Variants in PCNX4 observed in about 807,000 individuals in gnomAD.
The protein encoded by PCNX4 is pecanex 4.
In PCNX4, 103 loss-of-function variants were observed where a neutral mutation model predicts 107.2. That is an observed-to-expected ratio of 0.96 (90% CI 0.82 to 1.13). The LOEUF (loss-of-function observed/expected upper bound fraction) is 1.13, where lower values mean the gene tolerates loss of function less well. Among genes scored for constraint, PCNX4 ranks in the 50% most tolerant of loss-of-function variants. The probability of loss-of-function intolerance (pLI) is 0.00; values close to 1 mark genes in which losing one functional copy is unlikely to be tolerated. For synonymous variants in PCNX4, 541 were observed against 481.7 expected (o/e 1.12, Z -1.61); for missense variants, 1,528 against 1,379.4 (o/e 1.11, Z -1.71).
Position 60,106,941 on chromosome 14 carries a change from G to C in PCNX4, c.-53-645G>C, listed in dbSNP as rs183637920. ...TATTATTTTATACTTAGATTTATAT[G>C]GCTATTGAATAAAAGTAGCCTAAAT... On this transcript the variant is annotated intron_variant, in intron 1 of 10. Coordinates refer to ENST00000406854, the MANE Select transcript of PCNX4 (RefSeq NM_001330177.2). Among the ~76,000 whole-genome samples the C allele has an allele frequency of 8.5e-5, 13 of 152,228 alleles. No homozygotes were observed. In the South Asian group the frequency reaches 1.7e-3, roughly 19 times the overall value.
rs924162880 is a variant in PCNX4, at chr14:60,141,887, C to T, written c.*7666C>T. 6.6e-6 allele frequency: 1 copy of T among 152,112 alleles called. No individual in the cohort carries two copies. Among genetic ancestry groups the T allele is most frequent in the Non-Finnish European group, 1.5e-5 (1 of 68,024 alleles). 9.4% of individuals were successfully genotyped at this position (152,112 alleles called of 1,614,324 possible). ...GCTTTCATTTCTCTTGGGCAAATACCTAGGACTGGGATGGCTAAATCATAT... is the reference window on the plus strand; with the variant it reads ...GCTTTCATTTCTCTTGGGCAAATACTTAGGACTGGGATGGCTAAATCATAT... On this transcript the variant is annotated 3_prime_UTR_variant, in exon 11 of 11. Coordinates refer to ENST00000406854, the MANE Select transcript of PCNX4 (RefSeq NM_001330177.2).
chr14:60,129,032 G>GT (rs1033057874), intron 10 of PCNX4, among the ~76,000 whole-genome samples: 4 of 151,732 alleles, frequency 2.6e-5, no homozygotes, highest in Admixed American at 1.3e-4. Flanking sequence ...GGCCAACATG[G>GT]TGAAACCTTG....
At chr14:60,132,221 C>T (rs570692235) in intron 10 of PCNX4, among the ~76,000 whole-genome samples, 27 of 152,246 alleles carry the variant, frequency 1.8e-4, no homozygotes, top group African/African-American at 5.5e-4. Flanking sequence ...TCTCTGTCTC[C>T]GTATTTACAT....
chr14:60,123,453 G>A (rs1260075594), intron 8 of PCNX4, among the ~76,000 whole-genome samples: 5 of 152,028 alleles, frequency 3.3e-5, no homozygotes, highest in Non-Finnish European at 7.4e-5. Flanking sequence ...AGCTGTGACT[G>A]AAAAACAAGT....
intron 1 of PCNX4, among the ~76,000 whole-genome samples, chr14:60,106,509 G>T (rs1895631864): frequency 6.6e-6 from 1 of 152,202 alleles, no homozygotes; most frequent in Non-Finnish European, 1.5e-5. Flanking sequence ...AGCTGTACTT[G>T]CAGGGCTGTC....
intron 10 of PCNX4, chr14:60,133,698 C>A (rs754364161): frequency 3.4e-6 from 2 of 588,666 alleles, no homozygotes; most frequent in East Asian, 3.8e-5. Context: ...TCAGAAAAGG[C>A]AGACAAAGAG....
chr14:60,096,662 G>A (rs1417757167), intron 1 of PCNX4, among the ~76,000 whole-genome samples: 1 of 152,202 alleles, frequency 6.6e-6, no homozygotes, highest in Non-Finnish European at 1.5e-5. Flanking sequence ...CCCAATGGGT[G>A]GCAAGCCATT....
At chr14:60,104,318 C>CAAAAAAAAA (rs200434027) in intron 1 of PCNX4, among the ~76,000 whole-genome samples, 7 of 129,564 alleles carry the variant, frequency 5.4e-5, no homozygotes, top group African/African-American at 2.1e-4. Context: ...GACTCCATCT[C>CAAAAAAAAA]AAAAAAAAAA....
chr14:60,114,246 C>A (rs999273886), intron 2 of PCNX4, among the ~76,000 whole-genome samples: 17 of 152,102 alleles, frequency 1.1e-4, no homozygotes, highest in African/African-American at 2.4e-4. Flanking sequence ...CTTTGACTTT[C>A]CAAAGTTACT....
Position 60,138,628 on chromosome 14 carries a change from C to G in PCNX4, c.*4407C>G, listed in dbSNP as rs1303469483. ...GCAATTTTAGAATTCAATACCCAGC[C>G]TTTCCCCAAAAACAATTCTTAAGAA... On this transcript the variant is annotated 3_prime_UTR_variant, in exon 11 of 11. Coordinates refer to ENST00000406854, the MANE Select transcript of PCNX4 (RefSeq NM_001330177.2). 1 of 152,084 alleles carries G rather than the reference C, an allele frequency of 6.6e-6. No individual in the cohort carries two copies. Among genetic ancestry groups the G allele is most frequent in the East Asian group, 1.9e-4 (1 of 5,190 alleles). 9.4% of individuals were successfully genotyped at this position (152,084 alleles called of 1,614,324 possible). A position where few individuals can be genotyped will look rare whatever the true frequency, so the allele number is the denominator to read the frequency against.
Position 60,115,804 on chromosome 14 carries a change from A to C in PCNX4, c.1443A>C (p.Thr481=). ...LHSVSVCIGF[T]RAFRMVWQNT... is the part of the protein sequence containing the mutation. ...CAGTGTCTGTCTGTATTGGATTCAC[A>C]AGAGCCTTTAGAATGGTAATCCTAA... The change falls in exon 5 of 11, where the codon ACA becomes ACC. Residue 481 remains threonine (T), a synonymous_variant. Coordinates refer to ENST00000406854, the MANE Select transcript of PCNX4 (RefSeq NM_001330177.2). The C allele has an allele frequency of 2.5e-6, 4 of 1,611,698 alleles. No individual in the cohort carries two copies. The highest frequency in any genetic ancestry group is 3.4e-6 in the Non-Finnish European group (4 of 1,178,056).
In PCNX4 at chr14:60,114,690, T is replaced by A. The variant is rs1895806101; in HGVS notation, c.690-10T>A. On this transcript the variant is annotated splice_polypyrimidine_tract_variant and intron_variant, in intron 2 of 10. Transcript: ENST00000406854. ...TTCGTGTGATTTAAATGTTCTTTTT[T>A]TTTATATAGGTTTGTGGTAAATATG... 1 of 1,596,164 alleles carries A rather than the reference T, an allele frequency of 6.3e-7. No individual in the cohort carries two copies. The highest frequency in any genetic ancestry group is 8.5e-7 in the Non-Finnish European group (1 of 1,170,398).
chr14:60,134,518 A>G lies in PCNX4; in HGVS notation c.*297A>G, dbSNP rs1235245878. On this transcript the variant is annotated 3_prime_UTR_variant, in exon 11 of 11. Coordinates refer to ENST00000406854, the MANE Select transcript of PCNX4 (RefSeq NM_001330177.2). ...AGAATTATCATATAATGAATTTTGT[A>G]ATGCTTTCTTAAATGTGTTATAGGT... 1.6e-5 allele frequency: 5 copies of G among 313,478 alleles called. No homozygotes were observed. Among genetic ancestry groups the G allele is most frequent in the Non-Finnish European group, 2.3e-5 (4 of 171,006 alleles). The allele number at this position is 313,478 out of a possible 1,614,324, so 19.4% of individuals were successfully genotyped here.
chr14:60,143,666 G>C lies in PCNX4; in HGVS notation c.*9445G>C, dbSNP rs1049415404. Reference sequence around the variant, plus strand: ...TGCATTTATTCCATTGCTTCTACCCGCTATACCTCATCGTGTACCTCTACC... The same window carrying C: ...TGCATTTATTCCATTGCTTCTACCCCCTATACCTCATCGTGTACCTCTACC... On this transcript the variant is annotated 3_prime_UTR_variant, in exon 11 of 11. Coordinates refer to ENST00000406854, the MANE Select transcript of PCNX4 (RefSeq NM_001330177.2). 6.6e-6 allele frequency: 1 copy of C among 152,042 alleles called. No homozygotes were observed. Among genetic ancestry groups the C allele is most frequent in the African/African-American group, 2.4e-5 (1 of 41,370 alleles). The allele number at this position is 152,042 out of a possible 1,614,324, so 9.4% of individuals were successfully genotyped here.
intron 1 of PCNX4, among the ~76,000 whole-genome samples, chr14:60,102,673 T>TG (rs534385933): frequency 1.3e-5 from 2 of 152,234 alleles, no homozygotes; most frequent in African/African-American, 4.8e-5. Flanking sequence ...AAGTTCTCTT[T>TG]TCACAGTTTT....
intron 2 of PCNX4, chr14:60,110,702 A>G (rs534282499): frequency 6.0e-6 from 1 of 167,236 alleles, no homozygotes; most frequent in East Asian, 1.9e-4. Context: ...TCTCATCCAT[A>G]TCTGATTTAG....
Position 60,136,629 on chromosome 14 carries a change from C to A in PCNX4, c.*2408C>A, listed in dbSNP as rs1434901396. The A allele has an allele frequency of 6.6e-6, 1 of 152,472 alleles. No individual in the cohort carries two copies. Among genetic ancestry groups the A allele is most frequent in the Non-Finnish European group, 1.5e-5 (1 of 68,066 alleles). The allele number at this position is 152,472 out of a possible 1,614,324, so 9.4% of individuals were successfully genotyped here. ...CATAAAACCTACAGAAGTGGGGGAC[C>A]AGCTTAATGCCAGAGCCCACCGCTG... On this transcript the variant is annotated 3_prime_UTR_variant, in exon 11 of 11. Coordinates refer to ENST00000406854, the MANE Select transcript of PCNX4 (RefSeq NM_001330177.2).
chr14:60,115,064 A>G lies in PCNX4; in HGVS notation c.960A>G (p.Gly320=). Residue 320 remains glycine, a synonymous_variant, in exon 4 of 11, where the codon GGA becomes GGG. Transcript: ENST00000406854. ...TTGGTGTGGTTCTTTTCATGACTGG[A>G]TTTGGTTTCTTGCTGAGTCTGAACT... ...STVGVVLFMT[G]FGFLLSLNLS... is the part of the protein sequence containing the mutation. 1.2e-6 allele frequency: 2 copies of G among 1,613,242 alleles called. No homozygotes were observed. Among genetic ancestry groups the G allele is most frequent in the Non-Finnish European group, 1.7e-6 (2 of 1,179,752 alleles).
At chr14:60,114,902 G>A in intron 3 of PCNX4, 23 bp downstream of exon 3, 3 of 1,581,384 alleles carry the variant, frequency 1.9e-6, no homozygotes, top group Non-Finnish European at 1.7e-6. Flanking sequence ...AAATATTGAT[G>A]TTATATGTAA....
Sources: gnomAD v4.1 joint callset for allele counts (sites outside exome capture counted in the v4.1 genomes callset) on GRCh38, gnomAD v4.1.1 for gene constraint, MANE v1.5 for transcripts, NCBI Gene and HGNC (gene_info 2026-07-23, HGNC 2026-07-21) for gene names.